TLE1: variants seen among roughly 807,000 people sequenced by gnomAD.
TLE1 encodes the protein transducin-like enhancer protein 1.
Under a neutral mutation model 89.8 loss-of-function variants are expected in TLE1, and 21 were observed. That is an observed-to-expected ratio of 0.23 (90% CI 0.17 to 0.34). The LOEUF (loss-of-function observed/expected upper bound fraction) is 0.34, where lower values mean the gene tolerates loss of function less well. Among genes scored for constraint, TLE1 ranks in the 10% least tolerant of loss-of-function variants. TLE1 has a pLI of 1.00. For missense variants in TLE1, 795 were observed against 1,031.2 expected (o/e 0.77, Z 3.14); for synonymous variants, 447 against 407.6 (o/e 1.10, Z -1.16).
At chr9:81,684,509 G>A (rs1426228007) in intron 4 of TLE1, among the ~76,000 whole-genome samples, 2 of 152,186 alleles carry the variant, frequency 1.3e-5, no homozygotes, top group African/African-American at 2.4e-5. Flanking sequence ...AGAGTGCGGA[G>A]TTACAAAAGC....
At chr9:81,654,827 T>G (rs989855918) in intron 4 of TLE1, among the ~76,000 whole-genome samples, 5 of 152,200 alleles carry the variant, frequency 3.3e-5, no homozygotes, top group Admixed American at 3.3e-4. Context: ...TCCCAGCTCT[T>G]GTACAACTGA....
intron 14 of TLE1, among the ~76,000 whole-genome samples, chr9:81,602,647 G>A (rs938117541): frequency 1.3e-5 from 2 of 152,058 alleles, no homozygotes; most frequent in African/African-American, 2.4e-5. Context: ...TTGAATTTTC[G>A]AATTAAGATG....
chr9:81,620,962 G>C, intron 8 of TLE1: 1 of 502,698 alleles, frequency 2.0e-6, no homozygotes, highest in South Asian at 1.5e-5. Flanking sequence ...AACTGTAAGA[G>C]TCAATGTGTA....
intron 6 of TLE1, among the ~76,000 whole-genome samples, chr9:81,650,938 A>C (rs1829456311): frequency 6.6e-6 from 1 of 152,218 alleles, no homozygotes; most frequent in Admixed American, 6.5e-5. Context: ...ACTCAACTGC[A>C]GATCTGCAAT....
rs369514077 is a variant in TLE1 at position 81,610,370 on chromosome 9, T to A, written c.1255-74A>T. Reference sequence around the variant, plus strand: ...CTTTGTGAACATCAATACTGTTCATTAGAAACTCACAGATCCCCAAAGCAA... The same window carrying A: ...CTTTGTGAACATCAATACTGTTCATAAGAAACTCACAGATCCCCAAAGCAA... On this transcript the variant is annotated intron_variant, in intron 13 of 19. Transcript: ENST00000376499. 53 of 1,115,926 alleles carry A rather than the reference T, an allele frequency of 4.7e-5. No homozygotes were observed. In the Middle Eastern group the frequency reaches 7.8e-4, roughly 17 times the overall value. 69.1% of individuals were successfully genotyped at this position (1,115,926 alleles called of 1,614,324 possible).
At position 81,687,399 on chromosome 9, in the gene TLE1, G is replaced by A; in HGVS notation, c.60C>T (p.Phe20=). The change falls in exon 2 of 20, where the codon TTC becomes TTT. Residue 20 remains phenylalanine (F), a synonymous_variant. Coordinates refer to ENST00000376499, the MANE Select transcript of TLE1 (RefSeq NM_005077.5). The part of the protein sequence containing the change: ...PHQAAGQPFK[F]TIPESLDRIK... ...TCCGGTCCAGGGACTCCGGGATAGT[G>A]AACTTGAAGGGCTGGCCTGCAGCCT... 1 of 1,611,430 alleles carries A rather than the reference G, an allele frequency of 6.2e-7. No individual in the cohort carries two copies.
At chr9:81,656,289 G>A (rs776747849) in intron 4 of TLE1, among the ~76,000 whole-genome samples, 2 of 152,108 alleles carry the variant, frequency 1.3e-5, no homozygotes, top group African/African-American at 4.8e-5. Context: ...ACAGGGTTCT[G>A]CACTGTCTAT....
intron 6 of TLE1, among the ~76,000 whole-genome samples, chr9:81,639,152 C>A (rs1296337199): frequency 6.6e-6 from 1 of 152,070 alleles, no homozygotes; most frequent in African/African-American, 2.4e-5. Flanking sequence ...TCTGGAACTC[C>A]TGTTTTCAAG....
intron 6 of TLE1, among the ~76,000 whole-genome samples, chr9:81,635,309 A>G (rs1349315532): frequency 6.6e-6 from 1 of 152,198 alleles, no homozygotes; most frequent in Non-Finnish European, 1.5e-5. Flanking sequence ...GGATGAGGAA[A>G]GCACTTATGT....
intron 4 of TLE1, among the ~76,000 whole-genome samples, chr9:81,676,261 C>A (rs981469927): frequency 1.3e-5 from 2 of 152,108 alleles, no homozygotes; most frequent in African/African-American, 4.8e-5. Flanking sequence ...GATAACTCAT[C>A]GGGAAGGGTA....
intron 6 of TLE1, among the ~76,000 whole-genome samples, chr9:81,644,807 A>C (rs920844107): frequency 2.0e-5 from 3 of 151,720 alleles, no homozygotes; most frequent in Non-Finnish European, 4.4e-5. Context: ...CAGCCTGGCC[A>C]ATATGGTGAA....
At chr9:81,651,510 C>T (rs767832933) in intron 6 of TLE1, among the ~76,000 whole-genome samples, 3 of 152,088 alleles carry the variant, frequency 2.0e-5, no homozygotes, top group Non-Finnish European at 4.4e-5. Flanking sequence ...CTAGGGCAGA[C>T]AATTAACAAT....
chr9:81,626,082 T>G (rs534383968), intron 8 of TLE1, among the ~76,000 whole-genome samples: 3 of 152,288 alleles, frequency 2.0e-5, no homozygotes, highest in African/African-American at 7.2e-5. Context: ...AACCCATTCA[T>G]GCATACAGCA....
chr9:81,658,330 G>C (rs575528583), intron 4 of TLE1, among the ~76,000 whole-genome samples: 1 of 152,272 alleles, frequency 6.6e-6, no homozygotes, highest in Non-Finnish European at 1.5e-5. Context: ...GGTTAGACTG[G>C]ATAAGCCTGA....
intron 8 of TLE1, among the ~76,000 whole-genome samples, chr9:81,624,867 A>G (rs1825720121): frequency 6.6e-6 from 1 of 152,222 alleles, no homozygotes; most frequent in Non-Finnish European, 1.5e-5. Context: ...AGGACATTAC[A>G]AACCTGGGCA....
At chr9:81,609,091 C>T (rs1032852859) in intron 14 of TLE1, among the ~76,000 whole-genome samples, 6 of 151,752 alleles carry the variant, frequency 4.0e-5, no homozygotes, top group Non-Finnish European at 8.8e-5. Flanking sequence ...CCTTTCCTTT[C>T]CTTTCCTTTT....
Position 81,648,636 on chromosome 9 carries a change from C to T in TLE1, c.372+3578G>A, listed in dbSNP as rs540240852. 3.9e-4 allele frequency among the ~76,000 whole-genome samples: 60 copies of T among 152,280 alleles called. No homozygotes were observed. In the South Asian group the frequency reaches 8.7e-3, roughly 22 times the overall value. On this transcript the variant is annotated intron_variant, in intron 6 of 19. Transcript: ENST00000376499. ...ATCAATTATTCAATATCTATCAGAG[C>T]AGGTAGAAGAGAGCTTTTAGTTCCA...
At chr9:81,613,347 A>G (rs1213981977) in intron 12 of TLE1, 30 bp downstream of exon 12, 2 of 1,605,506 alleles carry the variant, frequency 1.2e-6, no homozygotes, top group African/African-American at 2.7e-5. Flanking sequence ...GGAGAAACCA[A>G]ACAAAGCACA....
rs1483988360 is a variant in TLE1 at position 81,651,970 on chromosome 9, T to C, written c.372+244A>G. Among the ~76,000 whole-genome samples, 6 of 142,386 alleles carry C rather than the reference T, an allele frequency of 4.2e-5. No individual in the cohort carries two copies. The South Asian group carries it at 1.6e-3, about 39-fold the overall frequency. The allele number at this position is 142,386 out of a possible 152,430, so 93.4% of individuals were successfully genotyped here. ...GTTTAAAAAGAATTTTTTTAATTAATAGATTTTTTGTCCCCTCCTAAAATG... is the reference window on the plus strand; with the variant it reads ...GTTTAAAAAGAATTTTTTTAATTAACAGATTTTTTGTCCCCTCCTAAAATG... On this transcript the variant is annotated intron_variant, in intron 6 of 19. Transcript: ENST00000376499.
Sources: allele counts gnomAD v4.1 joint callset (sites outside exome capture counted in the v4.1 genomes callset), GRCh38; gene constraint gnomAD v4.1.1; transcripts MANE v1.5; gene names NCBI Gene and HGNC (gene_info 2026-07-23, HGNC 2026-07-21).